Variants in CTNNA3 observed in about 807,000 individuals in gnomAD.
CTNNA3 encodes the protein catenin alpha-3.
In CTNNA3, 76 loss-of-function variants were observed where a neutral mutation model predicts 95.7. The ratio of observed to expected loss-of-function variants is 0.79; its 90% CI spans 0.66 to 0.96. CTNNA3 has a LOEUF of 0.96. Ranked by LOEUF, CTNNA3 falls within the 40% of genes least tolerant of loss-of-function variation. The pLI, the probability that CTNNA3 is intolerant of heterozygous loss-of-function variation, is 0.00. For missense variants in CTNNA3, 1,191 were observed against 1,089.8 expected (o/e 1.09, Z -1.31); for synonymous variants, 431 against 374.4 (o/e 1.15, Z -1.74).
intron 1 of CTNNA3, among the ~76,000 whole-genome samples, chr10:67,729,668 AT>A (rs1290862777): frequency 2.6e-5 from 4 of 152,162 alleles, no homozygotes; most frequent in African/African-American, 9.7e-5. Context: ...TTACTAATAT[AT>A]AAAGACCAAA....
intron 13 of CTNNA3, among the ~76,000 whole-genome samples, chr10:66,163,972 G>C (rs1465485185): frequency 6.6e-6 from 1 of 152,134 alleles, no homozygotes; most frequent in Non-Finnish European, 1.5e-5. Context: ...ACATATTTGA[G>C]TAACATTGTA....
intron 11 of CTNNA3, among the ~76,000 whole-genome samples, chr10:66,443,869 C>T (rs1421313790): frequency 2.0e-5 from 3 of 152,078 alleles, no homozygotes; most frequent in African/African-American, 7.2e-5. Context: ...GACGATCAAA[C>T]TACTCCGAGC....
intron 7 of CTNNA3, among the ~76,000 whole-genome samples, chr10:66,904,535 T>C (rs1377843187): frequency 1.3e-5 from 2 of 152,016 alleles, no homozygotes; most frequent in African/African-American, 2.4e-5. Context: ...GTTAAACTAA[T>C]GACCTTCTGC....
intron 1 of CTNNA3, among the ~76,000 whole-genome samples, chr10:67,744,266 C>T (rs956593146): frequency 8.6e-5 from 13 of 151,382 alleles, no homozygotes; most frequent in African/African-American, 3.1e-4. Context: ...TACAAGGCTA[C>T]GGTAACCAAA....
intron 7 of CTNNA3, among the ~76,000 whole-genome samples, chr10:67,131,748 CAT>C (rs1860018890): frequency 6.6e-6 from 1 of 151,998 alleles, no homozygotes; most frequent in Non-Finnish European, 1.5e-5. Flanking sequence ...AGGAAAAAAA[CAT>C]GTGGCTTGTA....
intron 5 of CTNNA3, among the ~76,000 whole-genome samples, chr10:67,248,994 G>A (rs1353856999): frequency 6.6e-6 from 1 of 152,096 alleles, no homozygotes; most frequent in Non-Finnish European, 1.5e-5. Flanking sequence ...AAAACACTTA[G>A]AAGAAAACAT....
At chr10:66,905,367 T>C (rs571997973) in intron 7 of CTNNA3, among the ~76,000 whole-genome samples, 4 of 152,036 alleles carry the variant, frequency 2.6e-5, no homozygotes, top group South Asian at 2.1e-4. Flanking sequence ...CTGGGGCCTA[T>C]TGGGGGTTGG....
intron 10 of CTNNA3, among the ~76,000 whole-genome samples, chr10:66,538,896 T>A (rs560248463): frequency 5.3e-5 from 8 of 152,246 alleles, no homozygotes; most frequent in East Asian, 1.9e-4. Context: ...TTTTAAAAAA[T>A]TTTCCCTAGC....
chr10:66,659,885 C>T (rs944035271), intron 9 of CTNNA3, among the ~76,000 whole-genome samples: 1 of 152,118 alleles, frequency 6.6e-6, no homozygotes, highest in African/African-American at 2.4e-5. Context: ...TGTTTTATAG[C>T]AGCCCAAATA....
chr10:66,009,495 G>A (rs891028967), intron 15 of CTNNA3, among the ~76,000 whole-genome samples: 3 of 152,040 alleles, frequency 2.0e-5, no homozygotes, highest in Non-Finnish European at 2.9e-5. Context: ...ATCCTGGGAA[G>A]GCTACAATGT....
At chr10:67,726,474 TTA>T (rs1491145221) in intron 1 of CTNNA3, among the ~76,000 whole-genome samples, 2 of 62,452 alleles carry the variant, frequency 3.2e-5, no homozygotes, top group East Asian at 7.4e-4. Context: ...TGATATAATA[TTA>T]TATATTATAT....
intron 7 of CTNNA3, among the ~76,000 whole-genome samples, chr10:66,776,730 AGGGAGTTCTTCCAACAACCCT>A (rs968792894): frequency 6.6e-5 from 10 of 152,182 alleles, no homozygotes; most frequent in Non-Finnish European, 1.0e-4. Context: ...TGGTTTCTAC[AGGGAGTTCTTCCAACAACCCT>A]GCTCAAAAGT....
At chr10:66,503,799 T>C (rs1345221330) in intron 11 of CTNNA3, among the ~76,000 whole-genome samples, 2 of 152,166 alleles carry the variant, frequency 1.3e-5, no homozygotes, top group Non-Finnish European at 2.9e-5. Context: ...CCACGTAGTC[T>C]CTAAAGAGAA....
At chr10:66,860,854 A>T (rs138093083) in intron 7 of CTNNA3, among the ~76,000 whole-genome samples, 2 of 152,146 alleles carry the variant, frequency 1.3e-5, no homozygotes, top group South Asian at 4.1e-4. Flanking sequence ...ATGTAACCAC[A>T]TTGTAAACCC....
In CTNNA3 at chr10:67,746,898, C is replaced by A. The variant is rs115590873; in HGVS notation, c.-2+16536G>T. On this transcript the variant is annotated intron_variant, in intron 1 of 17. Transcript: ENST00000684154. ...GGGGCAGGAGCCAGCGGGAGAAGGG[C>A]AGCAGCTATCACTGCAGCTGCAGAG... Among the ~76,000 whole-genome samples the A allele has an allele frequency of 2.5e-3, 382 of 152,314 alleles. 2 individuals are homozygous for A. The highest frequency in any genetic ancestry group is 8.7e-3 in the African/African-American group (363 of 41,578).
rs780527661 is a variant in CTNNA3, at chr10:67,761,804, C to T, written c.-2+1630G>A. 2.5e-4 allele frequency among the ~76,000 whole-genome samples: 38 copies of T among 150,772 alleles called. 1 individual carries two copies. The highest frequency in any genetic ancestry group is 4.6e-4 in the Non-Finnish European group (31 of 67,764). On this transcript the variant is annotated intron_variant, in intron 1 of 17. Transcript: ENST00000684154. Reference sequence around the variant, plus strand: ...GAGACAGGAGAATAGCATGAACCCACGAGGCGGAGCTTGCAGTGAGCCGAG... The same window carrying T: ...GAGACAGGAGAATAGCATGAACCCATGAGGCGGAGCTTGCAGTGAGCCGAG...
intron 2 of CTNNA3, among the ~76,000 whole-genome samples, chr10:67,635,718 T>C (rs1453058503): frequency 6.6e-6 from 1 of 152,166 alleles, no homozygotes; most frequent in Non-Finnish European, 1.5e-5. Context: ...TCATACTAAA[T>C]GGGCAAAAGC....
intron 9 of CTNNA3, among the ~76,000 whole-genome samples, chr10:66,657,827 G>A (rs1004970431): frequency 2.0e-5 from 3 of 152,132 alleles, no homozygotes; most frequent in Non-Finnish European, 2.9e-5. Context: ...TTATTACAAA[G>A]CTACCGTATG....
At chr10:67,382,735 C>T (rs1843994307) in intron 5 of CTNNA3, among the ~76,000 whole-genome samples, 1 of 152,074 alleles carries the variant, frequency 6.6e-6, no homozygotes, top group African/African-American at 2.4e-5. Context: ...GTTTATTTGG[C>T]TCATTCTGCA....
Sources: allele counts gnomAD v4.1 joint callset (sites outside exome capture counted in the v4.1 genomes callset), GRCh38; gene constraint gnomAD v4.1.1; transcripts MANE v1.5; gene names NCBI Gene and HGNC (gene_info 2026-07-23, HGNC 2026-07-21).